Variants in CSMD1 observed in about 807,000 individuals in gnomAD.
CSMD1 encodes CUB and sushi domain-containing protein 1.
Under a neutral mutation model 417.5 loss-of-function variants are expected in CSMD1, and 213 were observed. That is an observed-to-expected ratio of 0.51 (90% CI 0.46 to 0.57). The LOEUF (loss-of-function observed/expected upper bound fraction) is 0.57, where lower values mean the gene tolerates loss of function less well. Among genes scored for constraint, CSMD1 ranks in the 20% least tolerant of loss-of-function variants. The pLI is 0.00. For missense variants in CSMD1, 6,923 were observed against 4,529.7 expected (o/e 1.53, Z -15.17); for synonymous variants, 2,862 against 1,736.8 (o/e 1.65, Z -16.11).
At chr8:3,840,082 A>G (rs1434491057) in intron 5 of CSMD1, among the ~76,000 whole-genome samples, 1 of 152,162 alleles carries the variant, frequency 6.6e-6, no homozygotes, top group Non-Finnish European at 1.5e-5. Flanking sequence ...CTCTGCCTAT[A>G]CTTTCAATGA....
intron 5 of CSMD1, among the ~76,000 whole-genome samples, chr8:3,922,340 T>A (rs1367983776): frequency 1.3e-5 from 2 of 152,156 alleles, no homozygotes; most frequent in East Asian, 3.9e-4. Context: ...TCACTCTGTC[T>A]TTGGATTAAA....
At chr8:3,119,604 A>G (rs1409310128) in intron 41 of CSMD1, among the ~76,000 whole-genome samples, 2 of 152,190 alleles carry the variant, frequency 1.3e-5, no homozygotes, top group East Asian at 3.9e-4. Context: ...TCCATAAATC[A>G]GGTATCATCT....
intron 23 of CSMD1, among the ~76,000 whole-genome samples, chr8:3,337,055 G>A (rs1437430322): frequency 6.6e-6 from 1 of 152,078 alleles, no homozygotes; most frequent in Non-Finnish European, 1.5e-5. Flanking sequence ...TGGAGCTGGG[G>A]TTGGCCAGGC....
At chr8:3,275,721 C>T (rs1026745107) in intron 26 of CSMD1, among the ~76,000 whole-genome samples, 15 of 152,276 alleles carry the variant, frequency 9.9e-5, no homozygotes, top group African/African-American at 2.6e-4. Flanking sequence ...TTGATCGCAT[C>T]GGCTCCTGAG....
chr8:4,451,879 GTTCTC>G (rs2129830195), intron 2 of CSMD1, among the ~76,000 whole-genome samples: 1 of 151,378 alleles, frequency 6.6e-6, no homozygotes, highest in Admixed American at 6.6e-5. Flanking sequence ...AACCTCATGT[GTTCTC>G]TTTTTTCTTC....
At chr8:4,589,985 T>C (rs1178362930) in intron 2 of CSMD1, among the ~76,000 whole-genome samples, 1 of 152,240 alleles carries the variant, frequency 6.6e-6, no homozygotes. Flanking sequence ...GTGCTTAAGA[T>C]ACTGTCTGTT....
chr8:4,610,908 A>C (rs1295375696), intron 2 of CSMD1, among the ~76,000 whole-genome samples: 1 of 152,212 alleles, frequency 6.6e-6, no homozygotes, highest in African/African-American at 2.4e-5. Context: ...GTCCATGAGG[A>C]GTTATAATGA....
Position 4,492,279 on chromosome 8 carries a change from G to C in CSMD1, c.303-72214C>G, listed in dbSNP as rs753751740. ...TAACGATTTAATGTTTTGTCTACAC[G>C]GGATCTTCTTATGTTGCCCAGGATG... On this transcript the variant is annotated intron_variant, in intron 2 of 69. Transcript: ENST00000635120. 3.3e-5 allele frequency among the ~76,000 whole-genome samples: 5 copies of C among 152,122 alleles called. No individual in the cohort carries two copies. The South Asian group carries it at 6.2e-4, about 19-fold the overall frequency.
chr8:4,932,014 T>A (rs999153928), intron 1 of CSMD1, among the ~76,000 whole-genome samples: 2 of 152,198 alleles, frequency 1.3e-5, no homozygotes, highest in Admixed American at 1.3e-4. Flanking sequence ...GAGATTCACA[T>A]AGCTACTAAT....
intron 3 of CSMD1, among the ~76,000 whole-genome samples, chr8:4,411,989 GGTGTGTGTGTGT>G (rs60793651): frequency 2.7e-5 from 4 of 148,942 alleles, no homozygotes; most frequent in African/African-American, 9.9e-5. Flanking sequence ...CATAGCTAAG[GGTGTGTGTGTGT>G]GTGTGTGTGT....
chr8:4,388,045 T>C (rs753790716), intron 3 of CSMD1, among the ~76,000 whole-genome samples: 3 of 152,158 alleles, frequency 2.0e-5, no homozygotes, highest in African/African-American at 7.2e-5. Context: ...ACATTCCTGA[T>C]GAATGAATGT....
chr8:4,871,921 G>C (rs1277787811), intron 1 of CSMD1, among the ~76,000 whole-genome samples: 5 of 152,000 alleles, frequency 3.3e-5, no homozygotes, highest in African/African-American at 1.2e-4. Context: ...TCTGTCTCTG[G>C]TTTTCATTTA....
At chr8:4,308,980 G>T (rs1798408264) in intron 3 of CSMD1, among the ~76,000 whole-genome samples, 2 of 152,030 alleles carry the variant, frequency 1.3e-5, no homozygotes. Flanking sequence ...ACATAATGTT[G>T]AACTAATTCC....
chr8:4,672,221 G>A (rs186299473), intron 1 of CSMD1, among the ~76,000 whole-genome samples: 69 of 152,326 alleles, frequency 4.5e-4, no homozygotes, highest in African/African-American at 1.6e-3. Flanking sequence ...CAGCTGCAGA[G>A]AAGGTTATAT....
intron 8 of CSMD1, among the ~76,000 whole-genome samples, chr8:3,611,445 G>C (rs951836135): frequency 6.6e-6 from 1 of 152,012 alleles, no homozygotes. Flanking sequence ...TTAATTTAAA[G>C]AACGATAGAC....
intron 11 of CSMD1, among the ~76,000 whole-genome samples, chr8:3,483,587 G>A (rs1273407430): frequency 1.3e-5 from 2 of 151,910 alleles, no homozygotes; most frequent in Non-Finnish European, 2.9e-5. Flanking sequence ...AACTCTTGCA[G>A]AAAATAACAA....
chr8:4,308,364 G>A (rs1037463631), intron 3 of CSMD1, among the ~76,000 whole-genome samples: 12 of 152,010 alleles, frequency 7.9e-5, no homozygotes, highest in African/African-American at 1.7e-4. Context: ...ACTGTGTGTA[G>A]TGTGTGTTCT....
At chr8:4,641,979 A>G (rs891543539) in intron 1 of CSMD1, among the ~76,000 whole-genome samples, 1 of 152,200 alleles carries the variant, frequency 6.6e-6, no homozygotes, top group African/African-American at 2.4e-5. Flanking sequence ...TTGCAATACT[A>G]CCTGGCATGC....
chr8:4,867,982 T>A (rs1802516069), intron 1 of CSMD1, among the ~76,000 whole-genome samples: 2 of 151,944 alleles, frequency 1.3e-5, no homozygotes, highest in Admixed American at 6.6e-5. Flanking sequence ...CGTTTGTACA[T>A]CCTTTAAATT....
Sources: gnomAD v4.1 joint callset for allele counts (sites outside exome capture counted in the v4.1 genomes callset) on GRCh38, gnomAD v4.1.1 for gene constraint, MANE v1.5 for transcripts, NCBI Gene and HGNC (gene_info 2026-07-23, HGNC 2026-07-21) for gene names.